Variants in GUCD1 observed in about 807,000 individuals in gnomAD.
GUCD1 encodes the protein guanylyl cyclase domain containing 1.
Under a neutral mutation model 28.3 loss-of-function variants are expected in GUCD1, and 17 were observed. That is an observed-to-expected ratio of 0.60 (90% confidence interval 0.41 to 0.90). The LOEUF (loss-of-function observed/expected upper bound fraction) is 0.90. GUCD1 is among the 40% of genes least tolerant of loss of function. The pLI, the probability that GUCD1 is intolerant of heterozygous loss-of-function variation, is 0.00. For synonymous variants in GUCD1, 129 were observed against 123.3 expected, an observed-to-expected ratio of 1.05 and a Z score of -0.30; for missense variants, 279 against 305.5, an observed-to-expected ratio of 0.91 and a Z score of 0.65.
rs185117950 is a variant in GUCD1, at chr22:24,549,066, G to A, written c.44-65C>T. 77 of 1,191,692 alleles carry A rather than the reference G, an allele frequency of 6.5e-5. No homozygotes were observed. In the African/African-American group the frequency reaches 1.1e-3, roughly 17 times the overall value. The allele number at this position is 1,191,692 out of a possible 1,614,324, so 73.8% of individuals were successfully genotyped here. A position where few individuals can be genotyped will look rare whatever the true frequency, so the allele number is the denominator to read the frequency against. ...GAGCCCACCACTCCCACCCTCATGG[G>A]AGCCAGTGTCACTGCCTCCTGCCTA... On this transcript the variant is annotated intron_variant, in intron 1 of 5. Transcript: ENST00000435822.
intron 3 of GUCD1, chr22:24,547,255 G>A: frequency 2.1e-6 from 1 of 485,796 alleles, no homozygotes; most frequent in East Asian, 3.9e-5. Flanking sequence ...CTGGGCTCAG[G>A]TCAGCTCTCT....
chr22:24,554,921 A>G, intron 1 of GUCD1, 28 bp downstream of exon 1: 1 of 1,537,520 alleles, frequency 6.5e-7, no homozygotes, highest in Admixed American at 1.7e-5. Context: ...TCCTAGGGTG[A>G]AGACTGGGCC....
At position 24,548,081 on chromosome 22, in the gene GUCD1, T is replaced by G; in HGVS notation, c.129-8A>C. On this transcript the variant is annotated splice_region_variant and splice_polypyrimidine_tract_variant and intron_variant, in intron 2 of 5. Transcript: ENST00000435822. ...TCCAGCTGGCCCAGGTACCTGCAGG[T>G]AGACGAGCTGGGGAGCTCAGCTTGG... The G allele has an allele frequency of 6.2e-7, 1 of 1,613,048 alleles. No individual in the cohort carries two copies. Among genetic ancestry groups the G allele is most frequent in the Non-Finnish European group, 8.5e-7 (1 of 1,179,392 alleles).
At chr22:24,551,715 G>A (rs938111766) in intron 1 of GUCD1, among the ~76,000 whole-genome samples, 26 of 152,160 alleles carry the variant, frequency 1.7e-4, no homozygotes, top group Admixed American at 1.7e-3. Context: ...CTCCTTCACA[G>A]CATCCTATTC....
intron 1 of GUCD1, 125 bp from the exon 2 acceptor site, chr22:24,549,126 A>G (rs911203057): frequency 7.9e-5 from 49 of 617,742 alleles, no homozygotes; most frequent in Non-Finnish European, 1.2e-4. Flanking sequence ...CCTTCCCACA[A>G]TCCTTCAGGA....
intron 4 of GUCD1, among the ~76,000 whole-genome samples, chr22:24,544,967 T>C (rs939710843): frequency 1.8e-4 from 28 of 151,936 alleles, no homozygotes; most frequent in African/African-American, 6.3e-4. Context: ...GTGAGCTGTA[T>C]TGCAATATTG....
chr22:24,549,047 A>C, intron 1 of GUCD1, 46 bp from the exon 2 acceptor site: 1 of 1,352,784 alleles, frequency 7.4e-7, no homozygotes. Context: ...CGCAGAGCCC[A>C]CCACTCCCAC....
intron 5 of GUCD1, 56 bp downstream of exon 5, chr22:24,543,786 C>T (rs905481879): frequency 6.3e-7 from 1 of 1,588,334 alleles, no homozygotes; most frequent in South Asian, 1.1e-5. Flanking sequence ...GGGCACTGGG[C>T]ATACAGAACA....
intron 1 of GUCD1, among the ~76,000 whole-genome samples, chr22:24,549,249 C>T (rs1401742042): frequency 1.3e-5 from 2 of 152,224 alleles, no homozygotes; most frequent in Non-Finnish European, 2.9e-5. Context: ...TTCCTTAAGA[C>T]AATACCTCCA....
chr22:24,555,346 C>T (rs980124226), upstream of GUCD1: 21 of 1,373,824 alleles, frequency 1.5e-5, 1 homozygote, highest in Non-Finnish European at 1.8e-5. Context: ...ACGCGGGCCC[C>T]GGAAGCCCCG....
Position 24,547,960 on chromosome 22 carries a change from C to A in GUCD1, c.242G>T (p.Arg81Met). ...LAYLMHHFGV[R>M]HRFCTQTLGV... Reference sequence around the variant, plus strand: ...CAGGGTCTGGGTACAGAAGCGGTGCCTCACGCCAAAGTGGTGCATCAGGTA... The same window carrying A: ...CAGGGTCTGGGTACAGAAGCGGTGCATCACGCCAAAGTGGTGCATCAGGTA... The change falls in exon 3 of 6, where the codon AGG becomes ATG. Residue 81 changes from arginine (R) to methionine (M), a missense_variant. Arg to Met is a moderately conservative substitution (Grantham distance 91). Transcript: ENST00000435822. 1 of 1,614,198 alleles carries A rather than the reference C, an allele frequency of 6.2e-7. No homozygotes were observed. The highest frequency in any genetic ancestry group is 8.5e-7 in the Non-Finnish European group (1 of 1,180,026).
rs1182932197 is a variant in GUCD1, at chr22:24,541,722, G to C, written c.*1284C>G. 6.6e-6 allele frequency: 1 copy of C among 152,054 alleles called. No homozygotes were observed. Among genetic ancestry groups the C allele is most frequent in the African/African-American group, 2.4e-5 (1 of 41,380 alleles). 9.4% of individuals were successfully genotyped at this position (152,054 alleles called of 1,614,324 possible). ...ACCACTGTCCTGAGCAGACTCCCAAGACTGGGCCAGCTGCCTCGTCAGCTG... is the reference window on the plus strand; with the variant it reads ...ACCACTGTCCTGAGCAGACTCCCAACACTGGGCCAGCTGCCTCGTCAGCTG... On this transcript the variant is annotated 3_prime_UTR_variant, in exon 6 of 6. Coordinates refer to ENST00000435822, the MANE Select transcript of GUCD1 (RefSeq NM_001284254.2).
upstream of GUCD1, chr22:24,555,861 G>T (rs539241589): frequency 4.6e-5 from 71 of 1,528,622 alleles, no homozygotes; most frequent in Non-Finnish European, 5.0e-5. Flanking sequence ...TATCGTACTG[G>T]TGCCCTAGTT....
chr22:24,548,586 G>A (rs1053182759), intron 2 of GUCD1, among the ~76,000 whole-genome samples: 1 of 152,130 alleles, frequency 6.6e-6, no homozygotes, highest in African/African-American at 2.4e-5. Flanking sequence ...TCAGCTTAAC[G>A]GTCAGCACCC....
intron 1 of GUCD1, among the ~76,000 whole-genome samples, chr22:24,552,824 G>A (rs2044918172): frequency 6.6e-6 from 1 of 151,812 alleles, no homozygotes; most frequent in South Asian, 2.1e-4. Flanking sequence ...TTCTGAAACA[G>A]GGTCTCACTC....
rs146838757 is a variant in GUCD1 at position 24,540,530 on chromosome 22, G to A, written c.*2476C>T. On this transcript the variant is annotated 3_prime_UTR_variant, in exon 6 of 6. Transcript: ENST00000435822. ...AATGCAAAAGATCCCTTTCATCCCCGTGGCTAGAATGAACAAAGCCCAACT... is the reference window on the plus strand; with the variant it reads ...AATGCAAAAGATCCCTTTCATCCCCATGGCTAGAATGAACAAAGCCCAACT... 23 of 152,308 alleles carry A rather than the reference G, an allele frequency of 1.5e-4. No homozygotes were observed. Among genetic ancestry groups the A allele is most frequent in the African/African-American group, 4.8e-4 (20 of 41,550 alleles). 9.4% of individuals were successfully genotyped at this position (152,308 alleles called of 1,614,324 possible).
rs115115477 is a variant in GUCD1, at chr22:24,545,187, C to T, written c.387-1104G>A. On this transcript the variant is annotated intron_variant, in intron 4 of 5. Transcript: ENST00000435822. ...GAGTGGCAGCATCAGTACCATGTGG[C>T]CTGACCCAGCTTCAGCCACAGCTGA... Among the ~76,000 whole-genome samples the T allele has an allele frequency of 9.9e-3, 1,506 of 152,216 alleles. 23 individuals are homozygous for T. Among genetic ancestry groups the T allele is most frequent in the African/African-American group, 0.034 (1,394 of 41,530 alleles).
At chr22:24,544,825 A>AAC (rs568742860) in intron 4 of GUCD1, among the ~76,000 whole-genome samples, 4 of 152,210 alleles carry the variant, frequency 2.6e-5, no homozygotes, top group Non-Finnish European at 5.9e-5. Context: ...CAGCCTGGGC[A>AAC]ACACAGCAGT....
intron 4 of GUCD1, among the ~76,000 whole-genome samples, chr22:24,546,631 T>C (rs1296873777): frequency 6.6e-6 from 1 of 152,212 alleles, no homozygotes; most frequent in Non-Finnish European, 1.5e-5. Flanking sequence ...GCTGTCTTTC[T>C]GCAAGTAGCC....
Sources: allele counts gnomAD v4.1 joint callset (sites outside exome capture counted in the v4.1 genomes callset), GRCh38; gene constraint gnomAD v4.1.1; transcripts MANE v1.5; gene names NCBI Gene and HGNC (gene_info 2026-07-23, HGNC 2026-07-21).